Variants in CISTR observed in about 807,000 individuals in gnomAD.
The protein encoded by CISTR is chondrogenesis-associated transcript.
intron 2 of CISTR, among the ~76,000 whole-genome samples, chr12:53,748,174 G>A (rs1330221590): frequency 6.6e-6 from 1 of 152,166 alleles, no homozygotes; most frequent in East Asian, 1.9e-4. Context: ...CGATGAGGAG[G>A]AGAATGCTGC....
At chr12:53,754,732 C>A (rs1177754736) in intron 1 of CISTR, among the ~76,000 whole-genome samples, 1 of 152,186 alleles carries the variant, frequency 6.6e-6, no homozygotes, top group Admixed American at 6.5e-5. Context: ...TTCCTCCTCC[C>A]AACCCCTTTG....
chr12:53,755,279 T>C (rs909673392), intron 1 of CISTR, among the ~76,000 whole-genome samples: 1 of 151,292 alleles, frequency 6.6e-6, no homozygotes, highest in Non-Finnish European at 1.5e-5. Flanking sequence ...GAATAGCAGT[T>C]GAGAGACGGC....
chr12:53,755,317 G>GTGTT (rs1362655816), intron 1 of CISTR, among the ~76,000 whole-genome samples: 2 of 151,292 alleles, frequency 1.3e-5, no homozygotes, highest in African/African-American at 4.9e-5. Context: ...GGGTGTGTGT[G>GTGTT]TGTGTGTGTG....
chr12:53,749,546 TTTC>T (rs1302011926), intron 2 of CISTR, among the ~76,000 whole-genome samples: 1 of 92,654 alleles, frequency 1.1e-5, no homozygotes. Context: ...TTTTTCTTTC[TTTC>T]TTTTTTTTTA....
chr12:53,754,147 C>G (rs904129911), intron 1 of CISTR, among the ~76,000 whole-genome samples: 2 of 152,100 alleles, frequency 1.3e-5, no homozygotes, highest in African/African-American at 4.8e-5. Flanking sequence ...AGGCTTGAGA[C>G]CTCTTTCCTG....
In CISTR at chr12:53,751,992, C is replaced by G. The variant is rs953748921; in HGVS notation, n.415-1027G>C. Among the ~76,000 whole-genome samples the G allele has an allele frequency of 6.6e-6, 1 of 152,050 alleles. No individual in the cohort carries two copies. The highest frequency in any genetic ancestry group is 1.9e-4 in the East Asian group (1 of 5,170). On this transcript the variant is annotated intron_variant and non_coding_transcript_variant, in intron 1 of 2. Transcript: ENST00000669269. This position sits in a 1 kb window ranked among gnomAD's most constrained non-coding sequence, Gnocchi z 4.6. ...CCACAGGGTCTCTCCCTCCCCCTCTCCCCGTGGTTGTCAGACTTTCTCCTG... is the reference window on the plus strand; with the variant it reads ...CCACAGGGTCTCTCCCTCCCCCTCTGCCCGTGGTTGTCAGACTTTCTCCTG...
intron 1 of CISTR, among the ~76,000 whole-genome samples, chr12:53,755,308 G>GGGGTGT (rs1555168465): frequency 4.1e-5 from 6 of 147,150 alleles, no homozygotes; most frequent in African/African-American, 1.0e-4. Flanking sequence ...TCCTGTTTGG[G>GGGGTGT]GTGTGTGTGT....
chr12:53,751,649 GGGGTGCGTGC>G lies in CISTR; in HGVS notation n.415-694_415-685del, dbSNP rs1388070811. 6.6e-6 allele frequency: 1 copy of G among 152,240 alleles called. No homozygotes were observed. Among genetic ancestry groups the G allele is most frequent in the Non-Finnish European group, 1.5e-5 (1 of 68,114 alleles). 9.4% of individuals were successfully genotyped at this position (152,240 alleles called of 1,614,324 possible). A position where few individuals can be genotyped will look rare whatever the true frequency, so the allele number is the denominator to read the frequency against. The stretch of plus-strand genomic sequence containing the variant: ...ACTGGCTGGGCCGGGAGTGGGGTCG[GGGGTGCGTGC>G]GGGTGCGATCCGGGCCTGCAGGGTG... On this transcript the variant is annotated intron_variant and non_coding_transcript_variant, in intron 1 of 2. Transcript: ENST00000669269. This position sits in a 1 kb window ranked among gnomAD's most constrained non-coding sequence, Gnocchi z 4.6.
intron 1 of CISTR, chr12:53,754,247 C>T (rs539341867): frequency 6.6e-6 from 1 of 152,266 alleles, no homozygotes; most frequent in East Asian, 1.9e-4. Context: ...TAGACTTTCA[C>T]CTTCAAAGGG....
intron 2 of CISTR, among the ~76,000 whole-genome samples, chr12:53,748,668 C>T (rs570068477): frequency 9.2e-5 from 14 of 152,228 alleles, no homozygotes; most frequent in African/African-American, 3.4e-4. Context: ...GTCCCAGGCC[C>T]AGGGAGAAAC....
At chr12:53,748,299 GC>G (rs967293818) in intron 2 of CISTR, among the ~76,000 whole-genome samples, 5 of 151,996 alleles carry the variant, frequency 3.3e-5, no homozygotes, top group East Asian at 3.9e-4. Context: ...CCGCGCCAGC[GC>G]CCCCCCAACT....
intron 2 of CISTR, among the ~76,000 whole-genome samples, chr12:53,747,027 T>C (rs1249296992): frequency 6.6e-6 from 1 of 152,212 alleles, no homozygotes; most frequent in African/African-American, 2.4e-5. Flanking sequence ...GGAAAGTGGA[T>C]AGTGGAGACA....
chr12:53,753,665 G>GGT (rs55769002), intron 1 of CISTR, among the ~76,000 whole-genome samples: 10,389 of 141,206 alleles, frequency 0.074, 434 homozygotes, highest in African/African-American at 0.12. Flanking sequence ...AATGCATAGG[G>GGT]GTGTGTGTGT....
At chr12:53,755,717 T>G (rs1006978004) in intron 1 of CISTR, 1 of 152,366 alleles carries the variant, frequency 6.6e-6, no homozygotes, top group Non-Finnish European at 1.5e-5. Flanking sequence ...GAGGGTCCCC[T>G]CTCTACGCTC....
chr12:53,755,435 T>G lies in CISTR; in HGVS notation n.414+1379A>C, dbSNP rs140361494. 2.0e-5 allele frequency among the ~76,000 whole-genome samples: 3 copies of G among 152,238 alleles called. No homozygotes were observed. In the East Asian group the frequency reaches 5.8e-4, roughly 29 times the overall value. On this transcript the variant is annotated intron_variant and non_coding_transcript_variant, in intron 1 of 2. Transcript: ENST00000669269. Reference sequence around the variant, plus strand: ...AAAGGAAATCCTTTCTAAAGTCTATTCTACATTTCTTTTGCTGACAGTAAG... The same window carrying G: ...AAAGGAAATCCTTTCTAAAGTCTATGCTACATTTCTTTTGCTGACAGTAAG...
At position 53,756,782 on chromosome 12, in the gene CISTR, TG is replaced by T. The variant is rs957106026; in HGVS notation, n.414+31del. 8.8e-5 allele frequency: 9 copies of T among 101,958 alleles called. No individual in the cohort carries two copies. The highest frequency in any genetic ancestry group is 3.3e-4 in the African/African-American group (8 of 24,024). The allele number at this position is 101,958 out of a possible 1,614,324, so 6.3% of individuals were successfully genotyped here. A position where few individuals can be genotyped will look rare whatever the true frequency, so the allele number is the denominator to read the frequency against. Reference sequence around the variant, plus strand: ...GGAGGGGGGATGAGATGGGAGGAAGTGGGGTAGGGAGCAGGGGATCTGGGGA... The same window carrying T: ...GGAGGGGGGATGAGATGGGAGGAAGTGGGTAGGGAGCAGGGGATCTGGGGA... On this transcript the variant is annotated intron_variant and non_coding_transcript_variant, in intron 1 of 2. Transcript: ENST00000669269. The surrounding 1 kb of genome is among the most constrained non-coding windows in gnomAD (Gnocchi z 4.0).
At chr12:53,748,019 G>A (rs1937802467) in intron 2 of CISTR, among the ~76,000 whole-genome samples, 1 of 152,160 alleles carries the variant, frequency 6.6e-6, no homozygotes, top group Admixed American at 6.5e-5. Context: ...ATCTGGGTGG[G>A]AGAGGGGGCC....
rs1010595448 is a variant in CISTR at position 53,756,178 on chromosome 12, G to A, written n.414+636C>T. ...CAAGGGCCAGAAGGACCGGCCAGGT[G>A]GGGGATGGGCTGGGGGAGCCTTCCC... On this transcript the variant is annotated intron_variant and non_coding_transcript_variant, in intron 1 of 2. Transcript: ENST00000669269. The surrounding 1 kb of genome is among the most constrained non-coding windows in gnomAD (Gnocchi z 4.0). Among the ~76,000 whole-genome samples the A allele has an allele frequency of 3.9e-5, 6 of 152,146 alleles. No homozygotes were observed. The highest frequency in any genetic ancestry group is 7.4e-5 in the Non-Finnish European group (5 of 68,026).
In CISTR at chr12:53,751,409, C is replaced by G. The variant is rs1937848553; in HGVS notation, n.415-444G>C. Among the ~76,000 whole-genome samples the G allele has an allele frequency of 6.6e-6, 1 of 152,198 alleles. No individual in the cohort carries two copies. The highest frequency in any genetic ancestry group is 1.5e-5 in the Non-Finnish European group (1 of 68,036). ...CTTTCCCCAGCCCTGTCGCCTCCCACCCCCCTTCCGGCCGCGGCAGTTTCC... is the reference window on the plus strand; with the variant it reads ...CTTTCCCCAGCCCTGTCGCCTCCCAGCCCCCTTCCGGCCGCGGCAGTTTCC... On this transcript the variant is annotated intron_variant and non_coding_transcript_variant, in intron 1 of 2. Transcript: ENST00000669269. The surrounding 1 kb of genome is among the most constrained non-coding windows in gnomAD (Gnocchi z 4.6).
Sources: gnomAD v4.1 joint callset for allele counts (sites outside exome capture counted in the v4.1 genomes callset) on GRCh38, gnomAD v4.1.1 for gene constraint, Gnocchi (gnomAD v3.1) non-coding constraint, MANE v1.5 for transcripts, NCBI Gene and HGNC (gene_info 2026-07-23, HGNC 2026-07-21) for gene names.